The following BMPR1B variants were observed in gnomAD, a reference collection of about 807,000 sequenced individuals.
The protein encoded by BMPR1B is bone morphogenetic protein receptor type-1B.
Under a neutral mutation model 59.1 loss-of-function variants are expected in BMPR1B, and 12 were observed. The ratio of observed to expected loss-of-function variants is 0.20; its 90% confidence interval spans 0.13 to 0.33. The LOEUF (loss-of-function observed/expected upper bound fraction) is 0.33. BMPR1B is among the 10% of genes least tolerant of loss of function. The pLI, the probability that BMPR1B is intolerant of heterozygous loss-of-function variation, is 1.00. For synonymous variants in BMPR1B, 237 were observed against 207.3 expected (o/e 1.14, Z -1.23); for missense variants, 550 against 610.9 (o/e 0.90, Z 1.05).
At chr4:94,764,806 C>G (rs1721909192) in intron 1 of BMPR1B, among the ~76,000 whole-genome samples, 1 of 152,134 alleles carries the variant, frequency 6.6e-6, no homozygotes, top group Admixed American at 6.6e-5. Flanking sequence ...TTCACAAATG[C>G]AGTGCATCTT....
intron 2 of BMPR1B, among the ~76,000 whole-genome samples, chr4:94,975,059 C>G (rs781611415): frequency 2.1e-4 from 32 of 152,180 alleles, no homozygotes; most frequent in Non-Finnish European, 3.7e-4. Flanking sequence ...GACGAAACTT[C>G]CAGTTTGTTA....
chr4:95,071,650 GTGTATATATA>G (rs1299933922), intron 3 of BMPR1B, among the ~76,000 whole-genome samples: 1,084 of 78,450 alleles, frequency 0.014, 13 homozygotes, highest in Non-Finnish European at 0.021. Flanking sequence ...GTGTGTGTGT[GTGTATATATA>G]TATATATATA....
At chr4:94,994,843 TTCTAACAGAAGGAAC>T (rs1721961369) in intron 2 of BMPR1B, among the ~76,000 whole-genome samples, 1 of 152,144 alleles carries the variant, frequency 6.6e-6, no homozygotes, top group Admixed American at 6.5e-5. Context: ...AGAACCACCA[TTCTAACAGAAGGAAC>T]ACATTACTGT....
chr4:94,987,085 A>G (rs1721458884), intron 2 of BMPR1B, among the ~76,000 whole-genome samples: 1 of 142,306 alleles, frequency 7.0e-6, no homozygotes. Flanking sequence ...TATGTTATAT[A>G]TGTATTATAT....
chr4:95,097,250 AGAGAG>A (rs1242135276), intron 3 of BMPR1B, among the ~76,000 whole-genome samples: 2 of 150,712 alleles, frequency 1.3e-5, no homozygotes, highest in Non-Finnish European at 3.0e-5. Context: ...AGAAGAGAGA[AGAGAG>A]GGGAGGGAGG....
At chr4:95,150,133 G>A (rs559564581) in intron 11 of BMPR1B, among the ~76,000 whole-genome samples, 1 of 152,122 alleles carries the variant, frequency 6.6e-6, no homozygotes, top group Non-Finnish European at 1.5e-5. Flanking sequence ...ATCACTTTGG[G>A]AATTCTGAAC....
At chr4:95,056,660 C>G (rs1726953184) in intron 3 of BMPR1B, among the ~76,000 whole-genome samples, 1 of 152,116 alleles carries the variant, frequency 6.6e-6, no homozygotes, top group Non-Finnish European at 1.5e-5. Flanking sequence ...TTAATGGACG[C>G]TCCTTGTATT....
rs185176079 is a variant in BMPR1B, at chr4:95,154,441, C to A, written c.1384-107C>A. 627 of 1,497,758 alleles carry A rather than the reference C, an allele frequency of 4.2e-4. 4 individuals carry two copies. The African/African-American group carries it at 7.5e-3, about 18-fold the overall frequency. The allele number at this position is 1,497,758 out of a possible 1,614,324, so 92.8% of individuals were successfully genotyped here. A position where few individuals can be genotyped will look rare whatever the true frequency, so the allele number is the denominator to read the frequency against. On this transcript the variant is annotated intron_variant, in intron 12 of 12. Coordinates refer to ENST00000515059, the MANE Select transcript of BMPR1B (RefSeq NM_001203.3). ...TTACTTCTACATGGTTTTAAGGGTA[C>A]CTTTTAAAAATATATTCAAACTTAA...
At chr4:94,979,428 A>G (rs1289283604) in intron 2 of BMPR1B, among the ~76,000 whole-genome samples, 1 of 152,194 alleles carries the variant, frequency 6.6e-6, no homozygotes, top group Non-Finnish European at 1.5e-5. Context: ...GTATTTAGTG[A>G]ATCAAATTTG....
chr4:94,830,416 T>A (rs558276560), intron 1 of BMPR1B, among the ~76,000 whole-genome samples: 1 of 152,322 alleles, frequency 6.6e-6, no homozygotes, highest in South Asian at 2.1e-4. Context: ...AAAACTATTT[T>A]AAAATTTCAA....
intron 3 of BMPR1B, among the ~76,000 whole-genome samples, chr4:95,013,613 G>T (rs565488004): frequency 1.3e-5 from 2 of 152,116 alleles, no homozygotes; most frequent in South Asian, 2.1e-4. Context: ...ATTAGAAAAC[G>T]TAAACTTTCG....
At chr4:94,879,214 A>T (rs1489511049) in intron 2 of BMPR1B, among the ~76,000 whole-genome samples, 1 of 152,196 alleles carries the variant, frequency 6.6e-6, no homozygotes, top group East Asian at 1.9e-4. Context: ...TGGTCATATG[A>T]TTGTAAATCC....
intron 1 of BMPR1B, among the ~76,000 whole-genome samples, chr4:94,874,968 G>A (rs1459056951): frequency 3.3e-5 from 5 of 152,066 alleles, no homozygotes; most frequent in Admixed American, 2.6e-4. Context: ...AGTCCAGCCT[G>A]GGCAACAGAG....
At chr4:95,026,106 C>CTTTCTTTCTTTCTTTCTTTCTTTCTTTT (rs1560602869) in intron 3 of BMPR1B, among the ~76,000 whole-genome samples, 7 of 133,384 alleles carry the variant, frequency 5.2e-5, no homozygotes, top group African/African-American at 2.1e-4. Context: ...TCATTTCTTT[C>CTTTCTTTCTTTCTTTCTTTCTTTCTTTT]TTTCTTTCTT....
At chr4:95,041,917 C>G (rs1231783386) in intron 3 of BMPR1B, among the ~76,000 whole-genome samples, 1 of 151,784 alleles carries the variant, frequency 6.6e-6, no homozygotes, top group Non-Finnish European at 1.5e-5. Context: ...TGCAGTGGTG[C>G]GATCTCAATT....
intron 1 of BMPR1B, among the ~76,000 whole-genome samples, chr4:94,809,777 G>C (rs755830343): frequency 2.6e-5 from 4 of 152,180 alleles, no homozygotes; most frequent in African/African-American, 9.7e-5. Context: ...GCTTGCTCCC[G>C]TAGGGAACAA....
At chr4:95,106,746 G>A (rs1397192086) in intron 4 of BMPR1B, among the ~76,000 whole-genome samples, 6 of 151,968 alleles carry the variant, frequency 3.9e-5, no homozygotes, top group Non-Finnish European at 8.8e-5. Context: ...AATGTGCATA[G>A]CATTAGTCAC....
intron 2 of BMPR1B, among the ~76,000 whole-genome samples, chr4:94,977,081 G>A (rs1356884719): frequency 1.3e-5 from 2 of 152,042 alleles, no homozygotes; most frequent in African/African-American, 2.4e-5. Context: ...TTTTGAGGGT[G>A]TCTTATGCAT....
intron 1 of BMPR1B, among the ~76,000 whole-genome samples, chr4:94,786,889 G>A (rs1368161615): frequency 6.6e-6 from 1 of 151,960 alleles, no homozygotes; most frequent in Non-Finnish European, 1.5e-5. Context: ...GGGTTATGCT[G>A]TGTTGCCTAG....
Sources: allele counts gnomAD v4.1 joint callset (sites outside exome capture counted in the v4.1 genomes callset), GRCh38; gene constraint gnomAD v4.1.1; transcripts MANE v1.5; gene names NCBI Gene and HGNC (gene_info 2026-07-23, HGNC 2026-07-21).